Variants in GNAI3 observed in about 807,000 individuals in gnomAD.
GNAI3 encodes the protein guanine nucleotide-binding protein G(i) subunit alpha-3.
Under a neutral mutation model 41.8 loss-of-function variants are expected in GNAI3, and 12 were observed. The observed-to-expected ratio is 0.29, with a 90% CI of 0.18 to 0.47. GNAI3 has a LOEUF of 0.47. GNAI3 is among the 20% of genes least tolerant of loss of function. GNAI3 has a pLI of 1.00. For synonymous variants in GNAI3, 132 were observed against 146.5 expected, an observed-to-expected ratio of 0.90 and a Z score of 0.71; for missense variants, 360 against 429.6, an observed-to-expected ratio of 0.84 and a Z score of 1.43.
At chr1:109,569,127 C>G (rs1648528287) in intron 1 of GNAI3, among the ~76,000 whole-genome samples, 1 of 152,194 alleles carries the variant, frequency 6.6e-6, no homozygotes, top group Non-Finnish European at 1.5e-5. Flanking sequence ...ACCTCTCATC[C>G]TTTTCTCCTA....
chr1:109,549,827 C>CT (rs1647936579), intron 1 of GNAI3, among the ~76,000 whole-genome samples: 1 of 152,046 alleles, frequency 6.6e-6, no homozygotes, highest in Non-Finnish European at 1.5e-5. Context: ...TTTTAATTGG[C>CT]TTTTTTTAAA....
In GNAI3 at chr1:109,599,487, AT is replaced by A. The variant is rs1649393018; in HGVS notation, c.*7166del. 6.6e-6 allele frequency: 1 copy of A among 152,286 alleles called. No individual in the cohort carries two copies. The highest frequency in any genetic ancestry group is 2.4e-5 in the African/African-American group (1 of 41,468). 9.4% of individuals were successfully genotyped at this position (152,286 alleles called of 1,614,324 possible). On this transcript the variant is annotated 3_prime_UTR_variant, in exon 9 of 9. Coordinates refer to ENST00000369851, the MANE Select transcript of GNAI3 (RefSeq NM_006496.4). ...TTAGATACCTCATATAAGTGGAATC[AT>A]AGTATTTGTCCTTTTGTGTCAATCA...
intron 1 of GNAI3, 147 bp downstream of exon 1, chr1:109,548,985 A>C (rs1647905272): frequency 1.4e-5 from 6 of 415,894 alleles, no homozygotes; most frequent in Non-Finnish European, 2.8e-5. Flanking sequence ...TGGGGTTCCT[A>C]GCTGAGGCCC....
At chr1:109,575,852 C>T (rs993693206) in intron 3 of GNAI3, among the ~76,000 whole-genome samples, 2 of 151,880 alleles carry the variant, frequency 1.3e-5, no homozygotes, top group African/African-American at 4.8e-5. Context: ...ATTATCAAAT[C>T]AATTGTCATT....
At chr1:109,576,355 C>T (rs1282996914) in intron 3 of GNAI3, among the ~76,000 whole-genome samples, 2 of 152,068 alleles carry the variant, frequency 1.3e-5, no homozygotes, top group African/African-American at 4.8e-5. Context: ...AGGTGTGAGC[C>T]ACTGTGCCCG....
At chr1:109,583,789 T>C (rs567781662) in intron 5 of GNAI3, among the ~76,000 whole-genome samples, 1 of 150,450 alleles carries the variant, frequency 6.6e-6, no homozygotes, top group Admixed American at 6.6e-5. Flanking sequence ...GATGGGCTTT[T>C]ACCGTGTTAG....
At position 109,567,971 on chromosome 1, in the gene GNAI3, G is replaced by GTT. The variant is rs35770839; in HGVS notation, c.119-5752_119-5751dup. Among the ~76,000 whole-genome samples the GTT allele has an allele frequency of 2.6e-3, 358 of 139,560 alleles. 4 individuals carry two copies. The highest frequency in any genetic ancestry group is 8.6e-3 in the African/African-American group (331 of 38,464). 91.6% of individuals were successfully genotyped at this position (139,560 alleles called of 152,430 possible). On this transcript the variant is annotated intron_variant, in intron 1 of 8. Coordinates refer to ENST00000369851, the MANE Select transcript of GNAI3 (RefSeq NM_006496.4). ...AAAAGAGAAGGACTCAGGGGATAGT[G>GTT]TTTTTTTTTTTTTTTGAGAATTAGC...
At chr1:109,566,833 G>T (rs977218523) in intron 1 of GNAI3, among the ~76,000 whole-genome samples, 5 of 152,152 alleles carry the variant, frequency 3.3e-5, no homozygotes, top group African/African-American at 9.7e-5. Flanking sequence ...AAGGTGCTGG[G>T]ATTACAGGCA....
At chr1:109,567,470 G>T (rs963631233) in intron 1 of GNAI3, among the ~76,000 whole-genome samples, 1 of 152,166 alleles carries the variant, frequency 6.6e-6, no homozygotes, top group African/African-American at 2.4e-5. Flanking sequence ...AATATCTGGG[G>T]CTGAAAATAC....
chr1:109,557,772 A>G (rs564174973), intron 1 of GNAI3, among the ~76,000 whole-genome samples: 1 of 152,228 alleles, frequency 6.6e-6, no homozygotes, highest in East Asian at 1.9e-4. Flanking sequence ...GGTTCCTGGT[A>G]AAGAGTATCA....
intron 5 of GNAI3, among the ~76,000 whole-genome samples, chr1:109,583,675 G>A (rs1339017943): frequency 1.3e-5 from 2 of 152,114 alleles, no homozygotes; most frequent in African/African-American, 4.8e-5. Flanking sequence ...CTGCCTTCCG[G>A]GTTCAAGTGA....
rs547537221 is a variant in GNAI3 at position 109,556,970 on chromosome 1, C to G, written c.118+8132C>G. The stretch of plus-strand genomic sequence containing the variant: ...TCTTTCCTCCCGAGACAGTCTCACT[C>G]TGTTGCCCAGACTGGAGTGTAGTGG... On this transcript the variant is annotated intron_variant, in intron 1 of 8. Transcript: ENST00000369851. 3.3e-3 allele frequency among the ~76,000 whole-genome samples: 499 copies of G among 152,336 alleles called. 15 individuals carry two copies. Among genetic ancestry groups the G allele is most frequent in the Non-Finnish European group, 6.2e-4 (42 of 68,020 alleles).
chr1:109,570,422 G>A (rs920053035), intron 1 of GNAI3, among the ~76,000 whole-genome samples: 2 of 152,180 alleles, frequency 1.3e-5, no homozygotes, highest in Non-Finnish European at 2.9e-5. Flanking sequence ...GGGAATGCAG[G>A]GATGAATAAG....
At chr1:109,583,174 G>C (rs973367529) in intron 5 of GNAI3, among the ~76,000 whole-genome samples, 1 of 152,128 alleles carries the variant, frequency 6.6e-6, no homozygotes, top group Non-Finnish European at 1.5e-5. Context: ...GGGTTGGTAA[G>C]ATGACATATA....
At chr1:109,577,718 A>G (rs1386627546) in intron 3 of GNAI3, among the ~76,000 whole-genome samples, 2 of 152,220 alleles carry the variant, frequency 1.3e-5, no homozygotes, top group Non-Finnish European at 2.9e-5. Context: ...AAATATTACT[A>G]GGTAAAAACC....
intron 1 of GNAI3, among the ~76,000 whole-genome samples, chr1:109,572,747 C>T (rs1191510270): frequency 2.0e-5 from 3 of 152,094 alleles, no homozygotes; most frequent in Non-Finnish European, 4.4e-5. Context: ...AGTAAGTTTG[C>T]ATGCTGATGA....
chr1:109,586,920 CT>C, intron 7 of GNAI3, 38 bp downstream of exon 7: 1 of 1,381,132 alleles, frequency 7.2e-7, no homozygotes, highest in Non-Finnish European at 1.0e-6. Flanking sequence ...AGGTACACAT[CT>C]TACTTAGATC....
chr1:109,577,332 A>C (rs1234498138), intron 3 of GNAI3, among the ~76,000 whole-genome samples: 1 of 145,600 alleles, frequency 6.9e-6, no homozygotes, highest in Non-Finnish European at 1.5e-5. Context: ...GCTAGAGTGC[A>C]ATGGCACCAT....
chr1:109,566,912 T>C (rs1400506124), intron 1 of GNAI3, among the ~76,000 whole-genome samples: 1 of 152,210 alleles, frequency 6.6e-6, no homozygotes. Context: ...TACATACTTA[T>C]ACCTGTTACT....
Sources: allele counts gnomAD v4.1 joint callset (sites outside exome capture counted in the v4.1 genomes callset), GRCh38; gene constraint gnomAD v4.1.1; transcripts MANE v1.5; gene names NCBI Gene and HGNC (gene_info 2026-07-23, HGNC 2026-07-21).